The following USF2 variants were observed in gnomAD, a reference collection of about 807,000 sequenced individuals.
USF2 encodes the protein upstream transcription factor 2, c-fos interacting.
A neutral mutation model predicts 46.9 loss-of-function variants in USF2; 16 were observed. The ratio of observed to expected loss-of-function variants is 0.34; its 90% CI spans 0.23 to 0.52. The LOEUF (loss-of-function observed/expected upper bound fraction) is 0.52. USF2 is among the 20% of genes least tolerant of loss of function. The probability of loss-of-function intolerance (pLI) is 0.96; values close to 1 mark genes in which losing one functional copy is unlikely to be tolerated. For missense variants in USF2, 411 were observed against 474.0 expected, an observed-to-expected ratio of 0.87 and a Z score of 1.23; for synonymous variants, 239 against 194.1, an observed-to-expected ratio of 1.23 and a Z score of -1.92.
At position 35,270,531 on chromosome 19, in the gene USF2, G is replaced by T. The variant is rs747352642; in HGVS notation, c.514G>T (p.Ala172Ser). ...GGAGGCACGATTTGCCTATTTCCCA[G>T]CGTCCAGTGTGGGAGATACTACGGC... ...SGEARFAYFP[A>S]SSVGDTTAVS... Residue 172 changes from alanine to serine, a missense_variant, in exon 5 of 10, where the codon GCG (alanine) becomes TCG (serine). Ala to Ser is a moderately conservative substitution (Grantham distance 99). Around this residue, in one of 2 missense-constraint regions of USF2, gnomAD observed 318 missense variants for 322.4 expected, o/e 0.99. Coordinates refer to ENST00000222305, the MANE Select transcript of USF2 (RefSeq NM_003367.4). 1 of 1,614,216 alleles carries T rather than the reference G, an allele frequency of 6.2e-7. No individual in the cohort carries two copies. The highest frequency in any genetic ancestry group is 8.5e-7 in the Non-Finnish European group (1 of 1,180,028).
In USF2 at chr19:35,279,484, T is replaced by C. The variant is rs1355328370; in HGVS notation, c.*228T>C. ...CTGCCCATCCGTCTGTCTGTCGCCC[T>C]TCTCCCGGCCCTCACTAAGCCCCGG... is the stretch of plus-strand genomic sequence containing the variant. On this transcript the variant is annotated 3_prime_UTR_variant, in exon 10 of 10. Coordinates refer to ENST00000222305, the MANE Select transcript of USF2 (RefSeq NM_003367.4). 3.9e-6 allele frequency: 2 copies of C among 517,852 alleles called. No individual in the cohort carries two copies. The highest frequency in any genetic ancestry group is 6.6e-6 in the Non-Finnish European group (2 of 305,310). The allele number at this position is 517,852 out of a possible 1,614,324, so 32.1% of individuals were successfully genotyped here.
chr19:35,269,193 C>CGCCCCG lies in USF2; in HGVS notation c.62+49_62+54dup, dbSNP rs749270619. 2,116 of 987,534 alleles carry CGCCCCG rather than the reference C, an allele frequency of 2.1e-3. 37 individuals are homozygous for CGCCCCG. The East Asian group carries it at 0.038, about 18-fold the overall frequency. 61.2% of individuals were successfully genotyped at this position (987,534 alleles called of 1,614,324 possible). A position where few individuals can be genotyped will look rare whatever the true frequency, so the allele number is the denominator to read the frequency against. ...GATCCCCGGCCCGGCCGTGCCCCCG[C>CGCCCCG]GCCCCGGCCCCGGCCCCGGCCCCGC... On this transcript the variant is annotated intron_variant, in intron 1 of 9. Coordinates refer to ENST00000222305, the MANE Select transcript of USF2 (RefSeq NM_003367.4).
chr19:35,272,658 TG>T (rs2066173834), intron 7 of USF2, among the ~76,000 whole-genome samples: 1 of 151,332 alleles, frequency 6.6e-6, no homozygotes, highest in African/African-American at 2.4e-5. Flanking sequence ...CAGAGGGGTT[TG>T]GGTTGTGGAG....
chr19:35,278,625 C>T lies in USF2; in HGVS notation c.728-73C>T, dbSNP rs981855741. The T allele has an allele frequency of 6.7e-6, 10 of 1,503,352 alleles. No homozygotes were observed. The East Asian group carries it at 1.1e-4, about 17-fold the overall frequency. The allele number at this position is 1,503,352 out of a possible 1,614,324, so 93.1% of individuals were successfully genotyped here. On this transcript the variant is annotated intron_variant, in intron 7 of 9. Coordinates refer to ENST00000222305, the MANE Select transcript of USF2 (RefSeq NM_003367.4). Reference sequence around the variant, plus strand: ...GTTCCTGGGTGTCCTTGGGCTGAGCCTCTGCCCTGTGAGGACGGCCGCTCA... The same window carrying T: ...GTTCCTGGGTGTCCTTGGGCTGAGCTTCTGCCCTGTGAGGACGGCCGCTCA...
At chr19:35,275,523 T>C (rs1330240263) in intron 7 of USF2, 1 of 152,100 alleles carries the variant, frequency 6.6e-6, no homozygotes, top group Non-Finnish European at 1.5e-5. Context: ...TCTTAACCTT[T>C]CTCTTTGCTT....
Position 35,269,973 on chromosome 19 carries a change from G to A in USF2, c.399G>A (p.Val133=). ...AQRPGPAAAS[V]PPGPAAPFPL... ...GCCCGGGCCCCGCCGCTGCCTCTGT[G>A]CCCCCAGGTCCTGCAGCGCCCTTCC... Residue 133 remains valine (V), a synonymous_variant, in exon 4 of 10, where the codon GTG becomes GTA. Transcript: ENST00000222305. 1 of 1,343,758 alleles carries A rather than the reference G, an allele frequency of 7.4e-7. No individual in the cohort carries two copies. The highest frequency in any genetic ancestry group is 9.5e-7 in the Non-Finnish European group (1 of 1,054,932). The allele number at this position is 1,343,758 out of a possible 1,614,324, so 83.2% of individuals were successfully genotyped here.
chr19:35,276,343 G>C (rs567387116), intron 7 of USF2, among the ~76,000 whole-genome samples: 1 of 152,134 alleles, frequency 6.6e-6, no homozygotes, highest in Admixed American at 6.5e-5. Flanking sequence ...GATTACAGGC[G>C]TGAGCCACCC....
At position 35,270,491 on chromosome 19, in the gene USF2, C is replaced by T. The variant is rs1010034780; in HGVS notation, c.474C>T (p.Ala158=). 1.2e-6 allele frequency: 2 copies of T among 1,614,020 alleles called. No homozygotes were observed. The highest frequency in any genetic ancestry group is 8.5e-7 in the Non-Finnish European group (1 of 1,180,012). The part of the protein sequence containing the change: ...NPFSNGGSPA[A]EAVSGEARFA... ...TCAGCAATGGTGGCAGTCCGGCGGC[C>T]GAGGCTGTCAGCGGGGAGGCACGAT... Residue 158 remains alanine, a synonymous_variant, in exon 5 of 10, where the codon GCC becomes GCT. Coordinates refer to ENST00000222305, the MANE Select transcript of USF2 (RefSeq NM_003367.4).
At chr19:35,277,397 G>C (rs2066249474) in intron 7 of USF2, 1 of 153,598 alleles carries the variant, frequency 6.5e-6, no homozygotes, top group South Asian at 2.0e-4. Context: ...GCCTGAGTGG[G>C]AGGCACTGGA....
At position 35,269,709 on chromosome 19, in the gene USF2, G is replaced by A. The variant is rs1364664711; in HGVS notation, c.228+10G>A. 6.9e-7 allele frequency: 1 copy of A among 1,442,286 alleles called. No individual in the cohort carries two copies. The highest frequency in any genetic ancestry group is 9.1e-7 in the Non-Finnish European group (1 of 1,097,368). The allele number at this position is 1,442,286 out of a possible 1,614,324, so 89.3% of individuals were successfully genotyped here. On this transcript the variant is annotated intron_variant, in intron 3 of 9. Transcript: ENST00000222305. ...GACAAATGGAGGACAGGTGAGCGGC[G>A]GGCCGCGAGGGCGAACGGGCGGGCG...
rs191089229 is a variant in USF2 at position 35,270,947 on chromosome 19, C to T, written c.669-136C>T. ...TGCCTGTTTCTGCTGCTCTAGTGCACATAAAGTATCATGTCTTTTGTTTTT... is the reference window on the plus strand; with the variant it reads ...TGCCTGTTTCTGCTGCTCTAGTGCATATAAAGTATCATGTCTTTTGTTTTT... On this transcript the variant is annotated intron_variant, in intron 6 of 9. Transcript: ENST00000222305. 36 of 1,418,250 alleles carry T rather than the reference C, an allele frequency of 2.5e-5. No individual in the cohort carries two copies. The East Asian group carries it at 7.7e-4, about 30-fold the overall frequency. 87.9% of individuals were successfully genotyped at this position (1,418,250 alleles called of 1,614,324 possible).
intron 1 of USF2, 42 bp from the exon 2 acceptor site, chr19:35,269,404 C>G (rs2066107096): frequency 7.4e-7 from 1 of 1,352,886 alleles, no homozygotes; most frequent in Non-Finnish European, 9.5e-7. Flanking sequence ...GGGGCGCGGG[C>G]GCGGGCCGCG....
At chr19:35,274,042 C>T (rs1056920763) in intron 7 of USF2, among the ~76,000 whole-genome samples, 1 of 152,224 alleles carries the variant, frequency 6.6e-6, no homozygotes, top group Non-Finnish European at 1.5e-5. Flanking sequence ...CCAGGCTTCG[C>T]CCACCACCTG....
At position 35,269,865 on chromosome 19, in the gene USF2, C is replaced by T; in HGVS notation, c.291C>T (p.Gly97=). ...GQLDGQGDTA[G]AVSVVSTAAF... ...TGGACGGCCAGGGCGACACAGCTGG[C>T]GCCGTCAGCGTCGTGTCCACCGCTG... Residue 97 remains glycine, a synonymous_variant, in exon 4 of 10, where the codon GGC becomes GGT. Transcript: ENST00000222305. 2 of 1,423,620 alleles carry T rather than the reference C, an allele frequency of 1.4e-6. No individual in the cohort carries two copies. Among genetic ancestry groups the T allele is most frequent in the Non-Finnish European group, 9.1e-7 (1 of 1,097,534 alleles). The allele number at this position is 1,423,620 out of a possible 1,614,324, so 88.2% of individuals were successfully genotyped here.
chr19:35,271,578 G>T (rs2145572768), intron 7 of USF2, among the ~76,000 whole-genome samples: 1 of 152,344 alleles, frequency 6.6e-6, no homozygotes, highest in East Asian at 1.9e-4. Flanking sequence ...ATCTGAGGGA[G>T]AAACTGCATG....
In USF2 at chr19:35,278,774, C is replaced by T; in HGVS notation, c.804C>T (p.Asp268=). 6.2e-7 allele frequency: 1 copy of T among 1,614,098 alleles called. No homozygotes were observed. Among genetic ancestry groups the T allele is most frequent in the South Asian group, 1.1e-5 (1 of 91,080 alleles). Residue 268 remains aspartate (D), a synonymous_variant, in exon 8 of 10, where the codon GAC becomes GAT. Transcript: ENST00000222305. The part of the protein sequence containing the change: ...LSKIIPDCNA[D]NSKTGASKGG... Reference sequence around the variant, plus strand: ...AAATCATTCCAGACTGTAACGCAGACAACAGCAAGACGGGAGCGGTGAGCA... The same window carrying T: ...AAATCATTCCAGACTGTAACGCAGATAACAGCAAGACGGGAGCGGTGAGCA...
At chr19:35,275,686 A>G (rs2066224130) in intron 7 of USF2, 1 of 152,146 alleles carries the variant, frequency 6.6e-6, no homozygotes, top group African/African-American at 2.4e-5. Context: ...CAGGTTGCTT[A>G]ATTTCCAAAT....
In USF2 at chr19:35,269,606, G is replaced by C. The variant is rs755980897; in HGVS notation, c.135G>C (p.Glu45Asp). 6.3e-6 allele frequency: 10 copies of C among 1,595,880 alleles called. No homozygotes were observed. The highest frequency in any genetic ancestry group is 1.4e-5 in the African/African-American group (1 of 73,910). ...QEGGDGPGAE[E>D]QTAVAITSVQ... Reference sequence around the variant, plus strand: ...GCGGGGACGGCCCAGGAGCGGAGGAGCAGACAGCGGTGGCCATCACCAGCG... The same window carrying C: ...GCGGGGACGGCCCAGGAGCGGAGGACCAGACAGCGGTGGCCATCACCAGCG... Residue 45 changes from glutamate to aspartate, a missense_variant, in exon 3 of 10, where the codon GAG (glutamate) becomes GAC (aspartate). Around this residue, in one of 2 missense-constraint regions of USF2, gnomAD observed 318 missense variants for 322.4 expected, o/e 0.99. Coordinates refer to ENST00000222305, the MANE Select transcript of USF2 (RefSeq NM_003367.4).
chr19:35,270,120 G>C, intron 4 of USF2, 117 bp downstream of exon 4: 10 of 1,179,008 alleles, frequency 8.5e-6, no homozygotes, highest in Non-Finnish European at 1.1e-5. Context: ...CTGCCTTCAG[G>C]CCTCAGGCTG....
Sources: gnomAD v4.1 joint callset for allele counts (sites outside exome capture counted in the v4.1 genomes callset) on GRCh38, gnomAD v4.1.1 for gene constraint, gnomAD v4.1.1 regional missense constraint, MANE v1.5 for transcripts, NCBI Gene and HGNC (gene_info 2026-07-23, HGNC 2026-07-21) for gene names.